Variants in GLYATL3 observed in about 807,000 individuals in gnomAD.
GLYATL3 encodes glycine N-acyltransferase-like protein 3.
In GLYATL3, 31 loss-of-function variants were observed where a neutral mutation model predicts 28.5. The ratio of observed to expected loss-of-function variants is 1.09; its 90% confidence interval spans 0.82 to 1.47. The LOEUF (loss-of-function observed/expected upper bound fraction) is 1.47, where lower values mean the gene tolerates loss of function less well. GLYATL3 is among the 40% of genes most tolerant of loss of function. The probability of loss-of-function intolerance (pLI) is 0.00; values close to 1 mark genes in which losing one functional copy is unlikely to be tolerated. For missense variants in GLYATL3, 369 were observed against 351.5 expected, an observed-to-expected ratio of 1.05 and a Z score of -0.40; for synonymous variants, 141 against 140.2, an observed-to-expected ratio of 1.01 and a Z score of -0.04.
chr6:49,523,953 A>C (rs1040336825), intron 5 of GLYATL3, among the ~76,000 whole-genome samples: 1 of 151,270 alleles, frequency 6.6e-6, no homozygotes, highest in Non-Finnish European at 1.5e-5. Context: ...AGCCTTTTGA[A>C]ATGGGGTTTT....
Position 49,499,967 on chromosome 6 carries a change from C to T in GLYATL3, c.-104C>T, listed in dbSNP as rs745661329. On this transcript the variant is annotated 5_prime_UTR_variant, in exon 1 of 6. Transcript: ENST00000371197. ...TAGAGAGGTAGCCTTGAAGAATAAA[C>T]TTACCATTTATATAAAAGGGCTACT... The T allele has an allele frequency of 3.3e-5, 5 of 151,796 alleles. No homozygotes were observed. Among genetic ancestry groups the T allele is most frequent in the African/African-American group, 1.2e-4 (5 of 41,312 alleles). The allele number at this position is 151,796 out of a possible 1,614,324, so 9.4% of individuals were successfully genotyped here.
At chr6:49,501,173 G>A (rs900499909) in intron 1 of GLYATL3, among the ~76,000 whole-genome samples, 1 of 152,296 alleles carries the variant, frequency 6.6e-6, no homozygotes, top group East Asian at 1.9e-4. Flanking sequence ...GCCAAGGCAG[G>A]TGGATCACAT....
At chr6:49,510,045 TA>T (rs1250741287) in intron 1 of GLYATL3, among the ~76,000 whole-genome samples, 1 of 146,762 alleles carries the variant, frequency 6.8e-6, no homozygotes, top group Admixed American at 6.9e-5. Flanking sequence ...TTTATTTATT[TA>T]TTTTTTTGAC....
chr6:49,526,645 C>G lies in GLYATL3; in HGVS notation c.598C>G (p.Pro200Ala), dbSNP rs1392326217. The G allele has an allele frequency of 3.9e-6, 6 of 1,551,864 alleles. No individual in the cohort carries two copies. Among genetic ancestry groups the G allele is most frequent in the Non-Finnish European group, 5.2e-6 (6 of 1,147,034 alleles). The change falls in exon 6 of 6, where the codon CCG becomes GCG. Residue 200 changes from proline to alanine, a missense_variant. Pro to Ala is a conservative substitution (Grantham distance 27). Transcript: ENST00000371197. ...SVCVRDEKGN[P>A]VSWSITDQFA... The stretch of plus-strand genomic sequence containing the variant: ...GTGTGTCCGGGATGAGAAGGGAAAC[C>G]CGGTCTCCTGGTCCATCACAGACCA...
chr6:49,517,533 G>T lies in GLYATL3; in HGVS notation c.290G>T (p.Trp97Leu). ...QLLEECDVFN[W>L]DQVFQIQGLQ... is the part of the protein sequence containing the mutation. Reference sequence around the variant, plus strand: ...TTGGAAGAATGTGATGTTTTTAACTGGGACCAAGTTTTTCAAATACAAGGT... The same window carrying T: ...TTGGAAGAATGTGATGTTTTTAACTTGGACCAAGTTTTTCAAATACAAGGT... The change falls in exon 4 of 6, where the codon TGG becomes TTG. Residue 97 changes from tryptophan (W) to leucine (L), a missense_variant. Trp to Leu is a moderately conservative substitution (Grantham distance 61). Transcript: ENST00000371197. 6.4e-7 allele frequency: 1 copy of T among 1,550,714 alleles called. No homozygotes were observed. The highest frequency in any genetic ancestry group is 8.7e-7 in the Non-Finnish European group (1 of 1,146,420).
At chr6:49,505,909 A>G (rs1467061280) in intron 1 of GLYATL3, among the ~76,000 whole-genome samples, 1 of 152,226 alleles carries the variant, frequency 6.6e-6, no homozygotes, top group Non-Finnish European at 1.5e-5. Context: ...ATTTGGGTCA[A>G]TACGAGAGAC....
intron 1 of GLYATL3, 150 bp from the exon 2 acceptor site, chr6:49,511,813 A>G: frequency 2.1e-6 from 1 of 480,098 alleles, no homozygotes; most frequent in Non-Finnish European, 3.7e-6. Context: ...TACCCATCCC[A>G]GTGCCTCCCC....
intron 4 of GLYATL3, among the ~76,000 whole-genome samples, chr6:49,518,766 C>T (rs996699537): frequency 9.9e-5 from 15 of 151,944 alleles, no homozygotes; most frequent in African/African-American, 3.6e-4. Flanking sequence ...CGGTGAAACC[C>T]CGTCTCTACT....
At chr6:49,524,070 T>C (rs1273057370) in intron 5 of GLYATL3, among the ~76,000 whole-genome samples, 1 of 152,152 alleles carries the variant, frequency 6.6e-6, no homozygotes, top group Non-Finnish European at 1.5e-5. Context: ...CCTAAGTCAT[T>C]ACTCAACTGC....
intron 1 of GLYATL3, among the ~76,000 whole-genome samples, chr6:49,509,970 CTT>C (rs1251710204): frequency 7.0e-6 from 1 of 143,436 alleles, no homozygotes; most frequent in Non-Finnish European, 1.5e-5. Context: ...TTCTTTCTTT[CTT>C]TCTTTCTTTC....
intron 2 of GLYATL3, among the ~76,000 whole-genome samples, chr6:49,513,891 G>A (rs987694418): frequency 4.6e-5 from 7 of 152,250 alleles, no homozygotes; most frequent in Non-Finnish European, 7.4e-5. Flanking sequence ...GTTCATTTGA[G>A]CCCAGGAGTT....
intron 1 of GLYATL3, among the ~76,000 whole-genome samples, chr6:49,510,210 T>C (rs1439548609): frequency 6.6e-6 from 1 of 151,674 alleles, no homozygotes; most frequent in East Asian, 1.9e-4. Context: ...ACCTGGCTAA[T>C]TTTGTATTTT....
intron 1 of GLYATL3, among the ~76,000 whole-genome samples, chr6:49,503,244 T>C (rs772763018): frequency 2.6e-5 from 4 of 152,202 alleles, no homozygotes; most frequent in Non-Finnish European, 5.9e-5. Flanking sequence ...CATAGTGATA[T>C]TTTTGGCTGT....
At chr6:49,506,747 A>G (rs1403579489) in intron 1 of GLYATL3, among the ~76,000 whole-genome samples, 1 of 152,148 alleles carries the variant, frequency 6.6e-6, no homozygotes, top group Non-Finnish European at 1.5e-5. Flanking sequence ...ATCATTAACA[A>G]TTTAAATTAA....
intron 5 of GLYATL3, 41 bp from the exon 6 acceptor site, chr6:49,526,447 G>A (rs1240670573): frequency 2.0e-6 from 3 of 1,491,292 alleles, no homozygotes; most frequent in Non-Finnish European, 2.7e-6. Context: ...ATAACCACAT[G>A]AGTCTGAGGT....
chr6:49,520,073 T>C (rs1444834666), intron 4 of GLYATL3, among the ~76,000 whole-genome samples: 4 of 152,160 alleles, frequency 2.6e-5, no homozygotes, highest in African/African-American at 9.7e-5. Context: ...TCCTTTCATT[T>C]GTGGGAAAGG....
At chr6:49,506,037 T>C (rs1005901681) in intron 1 of GLYATL3, among the ~76,000 whole-genome samples, 5 of 152,226 alleles carry the variant, frequency 3.3e-5, no homozygotes, top group African/African-American at 1.2e-4. Context: ...GATGAGATAA[T>C]GCATAAGCAG....
intron 1 of GLYATL3, among the ~76,000 whole-genome samples, chr6:49,507,365 G>A (rs1769029013): frequency 6.6e-6 from 1 of 152,030 alleles, no homozygotes; most frequent in South Asian, 2.1e-4. Flanking sequence ...CAGTCTAACA[G>A]GTCCATAGAA....
chr6:49,508,709 C>T (rs146797482), intron 1 of GLYATL3, among the ~76,000 whole-genome samples: 4 of 152,304 alleles, frequency 2.6e-5, no homozygotes, highest in East Asian at 3.9e-4. Flanking sequence ...AAGCACATCA[C>T]GTGCTGTTGG....
Sources: allele counts gnomAD v4.1 joint callset (sites outside exome capture counted in the v4.1 genomes callset), GRCh38; gene constraint gnomAD v4.1.1; transcripts MANE v1.5; gene names NCBI Gene and HGNC (gene_info 2026-07-23, HGNC 2026-07-21).